NCKAP5: variants seen among roughly 807,000 people sequenced by gnomAD.
NCKAP5 encodes NCK associated protein 5.
A neutral mutation model predicts 167.0 loss-of-function variants in NCKAP5; 92 were observed. That is an observed-to-expected ratio of 0.55 (90% CI 0.47 to 0.66). NCKAP5 has a LOEUF of 0.66. Ranked by LOEUF, NCKAP5 falls within the 30% of genes least tolerant of loss-of-function variation. The pLI, the probability that NCKAP5 is intolerant of heterozygous loss-of-function variation, is 0.00. For missense variants in NCKAP5, 2,378 were observed against 2,315.0 expected (o/e 1.03, Z -0.56); for synonymous variants, 891 against 877.4 (o/e 1.02, Z -0.27).
intron 16 of NCKAP5, among the ~76,000 whole-genome samples, chr2:132,735,770 G>A (rs575952171): frequency 1.3e-5 from 2 of 152,202 alleles, no homozygotes; most frequent in Admixed American, 1.3e-4. Flanking sequence ...TTTGGCAATA[G>A]GTGCCATAAA....
intron 3 of NCKAP5, among the ~76,000 whole-genome samples, chr2:133,390,676 C>A (rs1360358183): frequency 1.3e-5 from 2 of 152,210 alleles, no homozygotes; most frequent in South Asian, 2.1e-4. Flanking sequence ...TTAACCCTCA[C>A]TGCAAATTAA....
At chr2:133,303,524 A>G (rs1680554152) in intron 3 of NCKAP5, among the ~76,000 whole-genome samples, 1 of 152,162 alleles carries the variant, frequency 6.6e-6, no homozygotes, top group Admixed American at 6.5e-5. Context: ...TTTTCAAACT[A>G]TGTAGAATGT....
intron 4 of NCKAP5, among the ~76,000 whole-genome samples, chr2:133,297,236 G>A (rs1680032696): frequency 6.6e-6 from 1 of 151,084 alleles, no homozygotes; most frequent in Admixed American, 6.6e-5. Flanking sequence ...GAGATACAGA[G>A]CAGATTAAAC....
chr2:133,461,795 C>A (rs769038289), intron 3 of NCKAP5, among the ~76,000 whole-genome samples: 7 of 152,128 alleles, frequency 4.6e-5, no homozygotes, highest in Non-Finnish European at 1.0e-4. Context: ...CTACTACTAC[C>A]GTGGAGTAGG....
chr2:132,940,357 G>A (rs1158746645), intron 8 of NCKAP5, among the ~76,000 whole-genome samples: 1 of 152,130 alleles, frequency 6.6e-6, no homozygotes, highest in African/African-American at 2.4e-5. Flanking sequence ...TCACCCTTCA[G>A]GGCTCAGGGA....
intron 8 of NCKAP5, among the ~76,000 whole-genome samples, chr2:132,898,996 C>A (rs974270978): frequency 1.3e-5 from 2 of 152,140 alleles, no homozygotes; most frequent in African/African-American, 4.8e-5. Context: ...GCTTTGATGG[C>A]GGGCATTGAC....
rs569146614 is a variant in NCKAP5, at chr2:133,410,356, C to T, written c.69+107102G>A. On this transcript the variant is annotated intron_variant, in intron 3 of 19. Transcript: ENST00000409261. The stretch of plus-strand genomic sequence containing the variant: ...AAGAAGTCATGTGTTATTCATCACG[C>T]GGTTTTCATAGCCCCTGCTACATCC... Among the ~76,000 whole-genome samples the T allele has an allele frequency of 5.9e-5, 9 of 152,270 alleles. No individual in the cohort carries two copies. The East Asian group carries it at 9.7e-4, about 16-fold the overall frequency.
At chr2:132,914,491 C>T (rs1694708170) in intron 8 of NCKAP5, among the ~76,000 whole-genome samples, 1 of 151,908 alleles carries the variant, frequency 6.6e-6, no homozygotes, top group African/African-American at 2.4e-5. Context: ...CCTGAGATAG[C>T]CCTGTTTTCT....
chr2:133,000,602 A>G (rs2077745254), intron 6 of NCKAP5, among the ~76,000 whole-genome samples: 2 of 152,216 alleles, frequency 1.3e-5, no homozygotes, highest in Non-Finnish European at 2.9e-5. Flanking sequence ...TTTGTATATA[A>G]CCAAACTAGT....
At chr2:132,769,448 T>C (rs1004011167) in intron 16 of NCKAP5, among the ~76,000 whole-genome samples, 1 of 152,212 alleles carries the variant, frequency 6.6e-6, no homozygotes, top group Admixed American at 6.5e-5. Context: ...ATTATGGTTA[T>C]AAAATATTGC....
At position 132,958,249 on chromosome 2, in the gene NCKAP5, T is replaced by C. The variant is rs542406914; in HGVS notation, c.579+5471A>G. 3.3e-5 allele frequency among the ~76,000 whole-genome samples: 5 copies of C among 152,262 alleles called. No homozygotes were observed. In the East Asian group the frequency reaches 5.8e-4, roughly 18 times the overall value. Reference sequence around the variant, plus strand: ...ATAGGAAGGCTTGCCAACATGGTTATTATTATTCCCATTACATCCCTCTAG... The same window carrying C: ...ATAGGAAGGCTTGCCAACATGGTTACTATTATTCCCATTACATCCCTCTAG... On this transcript the variant is annotated intron_variant, in intron 8 of 19. Coordinates refer to ENST00000409261, the MANE Select transcript of NCKAP5 (RefSeq NM_207363.3).
chr2:133,660,265 G>A, the NCKAP5 span, among the ~76,000 whole-genome samples: 1 of 152,102 alleles, frequency 6.6e-6, no homozygotes, highest in Non-Finnish European at 1.5e-5. Context: ...TGACTTTCCT[G>A]TGGTCTCGCC....
At chr2:133,654,330 A>T in the NCKAP5 span, among the ~76,000 whole-genome samples, 798 of 152,204 alleles carry the variant, frequency 5.2e-3, 5 homozygotes, top group African/African-American at 0.018. Context: ...GTGAGCCAAG[A>T]TCGCACCACT....
intron 3 of NCKAP5, among the ~76,000 whole-genome samples, chr2:133,513,035 C>T (rs947558056): frequency 6.6e-6 from 1 of 152,162 alleles, no homozygotes; most frequent in African/African-American, 2.4e-5. Flanking sequence ...GGAAGCCTAT[C>T]CCCCTGTATC....
At chr2:132,729,024 G>C (rs553914501) in intron 17 of NCKAP5, 72 bp from the exon 18 acceptor site, 1 of 1,574,304 alleles carries the variant, frequency 6.4e-7, no homozygotes. Context: ...GGAAGGAGGT[G>C]GGGGAGACAT....
intron 5 of NCKAP5, among the ~76,000 whole-genome samples, chr2:133,168,085 A>G (rs1574251452): frequency 1.3e-5 from 2 of 152,244 alleles, no homozygotes. Context: ...TGAAATTATT[A>G]TTCCCACTCT....
intron 2 of NCKAP5, among the ~76,000 whole-genome samples, chr2:133,528,776 G>A (rs982371639): frequency 6.6e-5 from 10 of 152,240 alleles, no homozygotes; most frequent in African/African-American, 2.4e-4. Flanking sequence ...TTTAAATGAT[G>A]CCTTCCCGGC....
chr2:132,797,697 C>T (rs1684716100), intron 11 of NCKAP5, among the ~76,000 whole-genome samples: 1 of 152,206 alleles, frequency 6.6e-6, no homozygotes, highest in Non-Finnish European at 1.5e-5. Context: ...CTAAGAAATG[C>T]CTTTGCTTCT....
intron 10 of NCKAP5, among the ~76,000 whole-genome samples, chr2:132,864,727 C>A (rs544383812): frequency 6.6e-6 from 1 of 152,130 alleles, no homozygotes; most frequent in Non-Finnish European, 1.5e-5. Context: ...CTAACATGAT[C>A]GCTGGTGTGT....
Sources: allele counts gnomAD v4.1 joint callset (sites outside exome capture counted in the v4.1 genomes callset), GRCh38; gene constraint gnomAD v4.1.1; transcripts MANE v1.5; gene names NCBI Gene and HGNC (gene_info 2026-07-23, HGNC 2026-07-21).